The following STK32B variants were observed in gnomAD, a reference collection of about 807,000 sequenced individuals.
STK32B encodes serine/threonine kinase 32B.
A neutral mutation model predicts 52.6 loss-of-function variants in STK32B; 43 were observed. The ratio of observed to expected loss-of-function variants is 0.82; its 90% CI spans 0.64 to 1.05. STK32B has a LOEUF of 1.05. Among genes scored for constraint, STK32B ranks in the 50% least tolerant of loss-of-function variants. The probability of loss-of-function intolerance (pLI) is 0.00; values close to 1 mark genes in which losing one functional copy is unlikely to be tolerated. For missense variants in STK32B, 621 were observed against 534.6 expected, an observed-to-expected ratio of 1.16 and a Z score of -1.59; for synonymous variants, 238 against 204.3, an observed-to-expected ratio of 1.17 and a Z score of -1.41.
intron 2 of STK32B, among the ~76,000 whole-genome samples, chr4:5,145,841 G>T (rs879789647): frequency 3.3e-4 from 50 of 152,016 alleles, no homozygotes; most frequent in Non-Finnish European, 6.9e-4. Flanking sequence ...TTTCTATTTC[G>T]ATAAGATCCA....
chr4:5,190,950 C>G (rs1721146729), intron 3 of STK32B, among the ~76,000 whole-genome samples: 1 of 152,196 alleles, frequency 6.6e-6, no homozygotes, highest in Non-Finnish European at 1.5e-5. Flanking sequence ...ACTCCAGAGC[C>G]TGCACTCTCT....
intron 11 of STK32B, among the ~76,000 whole-genome samples, chr4:5,491,190 A>G (rs1295886353): frequency 2.0e-5 from 3 of 152,192 alleles, no homozygotes; most frequent in Non-Finnish European, 4.4e-5. Flanking sequence ...AGTCCCACCA[A>G]CAGTGTAAAA....
chr4:5,480,911 C>T (rs1008612520), intron 11 of STK32B, among the ~76,000 whole-genome samples: 1 of 152,130 alleles, frequency 6.6e-6, no homozygotes, highest in Non-Finnish European at 1.5e-5. Context: ...GGGACATGAA[C>T]TCATCATTTT....
intron 11 of STK32B, among the ~76,000 whole-genome samples, chr4:5,495,608 G>A (rs557599801): frequency 1.8e-4 from 27 of 152,232 alleles, no homozygotes; most frequent in East Asian, 1.5e-3. Context: ...GCTTTGTTCC[G>A]TTGCTGGTGA....
At chr4:5,023,371 T>C in the STK32B span, among the ~76,000 whole-genome samples, 2 of 152,166 alleles carry the variant, frequency 1.3e-5, no homozygotes, top group Non-Finnish European at 2.9e-5. Context: ...TGCCTGCTGC[T>C]TATCCTTCCT....
At chr4:5,072,995 C>A (rs1027398952) in intron 1 of STK32B, among the ~76,000 whole-genome samples, 2 of 151,978 alleles carry the variant, frequency 1.3e-5, no homozygotes, top group Non-Finnish European at 2.9e-5. Context: ...GTTTTGAATT[C>A]GACATGGCTG....
intron 3 of STK32B, among the ~76,000 whole-genome samples, chr4:5,323,008 G>T (rs1731618596): frequency 6.6e-6 from 1 of 152,130 alleles, no homozygotes; most frequent in Non-Finnish European, 1.5e-5. Context: ...CTTGTCCTTG[G>T]TTTCCTCCAT....
chr4:5,227,255 A>G (rs1120925), intron 3 of STK32B, among the ~76,000 whole-genome samples: 41,700 of 152,100 alleles, frequency 0.27, 5,972 homozygotes, highest in East Asian at 0.44. Context: ...AATCATGTCA[A>G]TGAGATTTCA....
At chr4:5,247,540 C>G (rs757399605) in intron 3 of STK32B, among the ~76,000 whole-genome samples, 1 of 152,198 alleles carries the variant, frequency 6.6e-6, no homozygotes, top group Admixed American at 6.5e-5. Context: ...CGATGCCTCG[C>G]CCTGCTTTGG....
chr4:5,060,154 CAG>C (rs1742163664), intron 1 of STK32B, among the ~76,000 whole-genome samples: 1 of 152,070 alleles, frequency 6.6e-6, no homozygotes, highest in Non-Finnish European at 1.5e-5. Flanking sequence ...GTAGTGGAGA[CAG>C]AGTTTTTCCA....
chr4:5,140,115 G>A (rs957588898), intron 2 of STK32B, 155 bp downstream of exon 2: 2 of 1,392,328 alleles, frequency 1.4e-6, no homozygotes, highest in African/African-American at 1.4e-5. Flanking sequence ...TAGTTTCCTT[G>A]CGATCTGGTG....
chr4:5,086,873 A>G (rs114743484), intron 1 of STK32B, among the ~76,000 whole-genome samples: 1,570 of 152,314 alleles, frequency 0.01, 19 homozygotes, highest in Non-Finnish European at 0.016. Flanking sequence ...AGAAATTAAG[A>G]CATTTCCAGA....
At chr4:5,301,243 T>C (rs11730699) in intron 3 of STK32B, among the ~76,000 whole-genome samples, 20,886 of 151,974 alleles carry the variant, frequency 0.14, 2,870 homozygotes, top group African/African-American at 0.36. Context: ...TTTTCTTTCT[T>C]ATGATGTCTT....
intron 3 of STK32B, among the ~76,000 whole-genome samples, chr4:5,169,574 G>A (rs746182204): frequency 2.6e-4 from 40 of 152,176 alleles, no homozygotes; most frequent in East Asian, 3.9e-4. Flanking sequence ...CAAGGTGTGC[G>A]TGCCAGGTGC....
intron 3 of STK32B, among the ~76,000 whole-genome samples, chr4:5,240,040 C>T (rs2108815935): frequency 7.0e-6 from 1 of 142,568 alleles, no homozygotes; most frequent in African/African-American, 2.9e-5. Context: ...CTCTTTCCCC[C>T]CTTCATTTCT....
intron 3 of STK32B, among the ~76,000 whole-genome samples, chr4:5,223,150 G>A (rs1723647627): frequency 6.6e-6 from 1 of 152,226 alleles, no homozygotes; most frequent in Non-Finnish European, 1.5e-5. Flanking sequence ...CCAGGAGGGT[G>A]CAGATGGTGA....
chr4:5,463,237 T>G (rs1717171602), intron 9 of STK32B, among the ~76,000 whole-genome samples: 1 of 152,242 alleles, frequency 6.6e-6, no homozygotes, highest in African/African-American at 2.4e-5. Flanking sequence ...GCTAAGAATC[T>G]CGATGCAGTC....
chr4:5,025,695 G>C, the STK32B span, among the ~76,000 whole-genome samples: 1 of 152,120 alleles, frequency 6.6e-6, no homozygotes, highest in Non-Finnish European at 1.5e-5. Flanking sequence ...AGTGTTTTCT[G>C]GGCTTGCTCT....
chr4:5,304,866 A>G (rs989801560), intron 3 of STK32B, among the ~76,000 whole-genome samples: 2 of 152,140 alleles, frequency 1.3e-5, no homozygotes, highest in African/African-American at 2.4e-5. Flanking sequence ...TGTCCCTTCT[A>G]TGCTGATTTT....
Sources: allele counts gnomAD v4.1 joint callset (sites outside exome capture counted in the v4.1 genomes callset), GRCh38; gene constraint gnomAD v4.1.1; transcripts MANE v1.5; gene names NCBI Gene and HGNC (gene_info 2026-07-23, HGNC 2026-07-21).